Variants in KCTD8 observed in about 807,000 individuals in gnomAD.
KCTD8 encodes BTB/POZ domain-containing protein KCTD8.
A neutral mutation model predicts 31.5 loss-of-function variants in KCTD8; 27 were observed. The observed-to-expected ratio is 0.86, with a 90% CI of 0.63 to 1.18. KCTD8 has a LOEUF of 1.18. Among genes scored for constraint, KCTD8 ranks in the 50% most tolerant of loss-of-function variants. KCTD8 has a pLI of 0.00. For synonymous variants in KCTD8, 290 were observed against 280.0 expected (o/e 1.04, Z -0.36); for missense variants, 658 against 647.7 (o/e 1.02, Z -0.17).
At chr4:44,378,188 TAAA>T (rs1312428217) in intron 1 of KCTD8, among the ~76,000 whole-genome samples, 1 of 147,546 alleles carries the variant, frequency 6.8e-6, no homozygotes, top group Non-Finnish European at 1.5e-5. Context: ...CGGACTGAAA[TAAA>T]AAATACATAC....
chr4:44,410,804 C>T (rs1720934970), intron 1 of KCTD8, among the ~76,000 whole-genome samples: 2 of 152,094 alleles, frequency 1.3e-5, no homozygotes, highest in Non-Finnish European at 2.9e-5. Context: ...GATTCAATGA[C>T]CTCTCACCAT....
At chr4:44,438,695 G>C (rs1200321659) in intron 1 of KCTD8, among the ~76,000 whole-genome samples, 1 of 152,182 alleles carries the variant, frequency 6.6e-6, no homozygotes, top group Non-Finnish European at 1.5e-5. Context: ...GCAGCTTTTA[G>C]ATAGGAGTTG....
intron 1 of KCTD8, among the ~76,000 whole-genome samples, chr4:44,407,857 G>T (rs536321343): frequency 7.2e-5 from 11 of 151,908 alleles, no homozygotes; most frequent in Non-Finnish European, 1.2e-4. Flanking sequence ...CATTATAATC[G>T]GAATAGTTTC....
At chr4:44,261,867 C>T (rs1410092326) in intron 1 of KCTD8, among the ~76,000 whole-genome samples, 1 of 151,980 alleles carries the variant, frequency 6.6e-6, no homozygotes, top group Non-Finnish European at 1.5e-5. Context: ...TTTCACAATG[C>T]ATATGCATAT....
At chr4:44,202,715 A>C (rs925487033) in intron 1 of KCTD8, among the ~76,000 whole-genome samples, 1 of 152,114 alleles carries the variant, frequency 6.6e-6, no homozygotes, top group Admixed American at 6.6e-5. Flanking sequence ...CTGTACTCAA[A>C]TCTCACTCAT....
At chr4:44,179,089 T>C (rs967814040) in intron 1 of KCTD8, among the ~76,000 whole-genome samples, 2 of 152,072 alleles carry the variant, frequency 1.3e-5, no homozygotes, top group Non-Finnish European at 2.9e-5. Flanking sequence ...TATAATTTTC[T>C]GGGAAGATGA....
At chr4:44,299,918 A>T (rs1346253038) in intron 1 of KCTD8, among the ~76,000 whole-genome samples, 4 of 151,452 alleles carry the variant, frequency 2.6e-5, no homozygotes, top group Admixed American at 2.6e-4. Flanking sequence ...CGCCCGGCTA[A>T]TTTTTTGTAT....
chr4:44,350,408 C>T (rs555142950), intron 1 of KCTD8, among the ~76,000 whole-genome samples: 1 of 152,212 alleles, frequency 6.6e-6, no homozygotes, highest in African/African-American at 2.4e-5. Flanking sequence ...GTCACATGTT[C>T]TTTTTATTTC....
intron 1 of KCTD8, among the ~76,000 whole-genome samples, chr4:44,299,019 C>G (rs1160994136): frequency 2.6e-5 from 4 of 152,130 alleles, no homozygotes; most frequent in Non-Finnish European, 5.9e-5. Context: ...TTACAAGCTT[C>G]TTTGAAAAAT....
At chr4:44,446,122 C>T (rs1393340832) in intron 1 of KCTD8, among the ~76,000 whole-genome samples, 2 of 152,176 alleles carry the variant, frequency 1.3e-5, no homozygotes, top group African/African-American at 4.8e-5. Context: ...TAGTCTAACT[C>T]TGAGAACCTG....
At chr4:44,221,347 ATGTGTGTG>A (rs35222595) in intron 1 of KCTD8, among the ~76,000 whole-genome samples, 1 of 148,182 alleles carries the variant, frequency 6.7e-6, no homozygotes, top group Non-Finnish European at 1.5e-5. Flanking sequence ...GTGTGTGTGC[ATGTGTGTG>A]TGTGTGTGTG....
At chr4:44,177,833 G>A (rs1000789934) in intron 1 of KCTD8, among the ~76,000 whole-genome samples, 1 of 152,136 alleles carries the variant, frequency 6.6e-6, no homozygotes, top group African/African-American at 2.4e-5. Flanking sequence ...TAATCTTAGT[G>A]TACTTCCTAC....
At chr4:44,252,975 C>A (rs999634661) in intron 1 of KCTD8, among the ~76,000 whole-genome samples, 1 of 151,706 alleles carries the variant, frequency 6.6e-6, no homozygotes, top group South Asian at 2.1e-4. Flanking sequence ...TGAGGGTAGC[C>A]TTTAATGTAT....
intron 1 of KCTD8, among the ~76,000 whole-genome samples, chr4:44,319,677 A>C (rs1195880237): frequency 2.0e-5 from 3 of 152,168 alleles, no homozygotes; most frequent in African/African-American, 7.2e-5. Context: ...AAATCTCAGA[A>C]AGGAAAGAAA....
intron 1 of KCTD8, among the ~76,000 whole-genome samples, chr4:44,186,035 T>C (rs1172190961): frequency 2.0e-5 from 3 of 152,178 alleles, no homozygotes; most frequent in African/African-American, 7.2e-5. Context: ...CCTGTTTTCG[T>C]AGCCAAATGT....
At chr4:44,428,878 C>T (rs756062157) in intron 1 of KCTD8, among the ~76,000 whole-genome samples, 8 of 151,664 alleles carry the variant, frequency 5.3e-5, no homozygotes, top group Non-Finnish European at 1.0e-4. Context: ...CATATTAAAC[C>T]AAACACACCA....
At chr4:44,434,810 G>C (rs16856923) in intron 1 of KCTD8, among the ~76,000 whole-genome samples, 47,398 of 151,680 alleles carry the variant, frequency 0.31, 8,693 homozygotes, top group African/African-American at 0.52. Context: ...TGAAATTATC[G>C]CCCTTAACTC....
At chr4:44,234,953 G>A (rs1443814776) in intron 1 of KCTD8, among the ~76,000 whole-genome samples, 1 of 152,046 alleles carries the variant, frequency 6.6e-6, no homozygotes, top group Non-Finnish European at 1.5e-5. Context: ...AAATTATTCT[G>A]GAACCACAGC....
At chr4:44,257,890 A>T (rs1716034426) in intron 1 of KCTD8, among the ~76,000 whole-genome samples, 2 of 151,994 alleles carry the variant, frequency 1.3e-5, no homozygotes. Flanking sequence ...CATTTTATTA[A>T]TATAAGATTG....
Sources: gnomAD v4.1 joint callset for allele counts (sites outside exome capture counted in the v4.1 genomes callset) on GRCh38, gnomAD v4.1.1 for gene constraint, MANE v1.5 for transcripts, NCBI Gene and HGNC (gene_info 2026-07-23, HGNC 2026-07-21) for gene names.